The following NAV3 variants were observed in gnomAD, a reference collection of about 807,000 sequenced individuals.
The protein encoded by NAV3 is neuron navigator 3.
Under a neutral mutation model 244.7 loss-of-function variants are expected in NAV3, and 87 were observed. That is an observed-to-expected ratio of 0.36 (90% CI 0.30 to 0.42). The LOEUF is 0.42. NAV3 is among the 20% of genes least tolerant of loss of function. The probability of loss-of-function intolerance (pLI) is 1.00; values close to 1 mark genes in which losing one functional copy is unlikely to be tolerated. For missense variants in NAV3, 2,663 were observed against 2,893.3 expected (o/e 0.92, Z 1.83); for synonymous variants, 1,126 against 1,042.2 (o/e 1.08, Z -1.55).
intron 2 of NAV3, among the ~76,000 whole-genome samples, chr12:77,813,925 T>G (rs1308705975): frequency 6.6e-6 from 1 of 152,228 alleles, no homozygotes; most frequent in Non-Finnish European, 1.5e-5. Flanking sequence ...TAAACCTCTT[T>G]CTTGCTCTTC....
In NAV3 at chr12:78,121,953, A is replaced by G. The variant is rs2138678442; in HGVS notation, c.3763A>G (p.Lys1255Glu). 1 of 1,613,772 alleles carries G rather than the reference A, an allele frequency of 6.2e-7. No homozygotes were observed. The highest frequency in any genetic ancestry group is 1.7e-4 in the Middle Eastern group (1 of 6,058). Reference protein sequence around the residue: ...SPTFRRLFGAKAGGKSASAPN... With the variant: ...SPTFRRLFGAEAGGKSASAPN... Reference sequence around the variant, plus strand: ...TTTTTCTTTTAGGTTGTTTGGTGCCAAGGCAGGTGGCAAATCTGCCTCTGC... The same window carrying G: ...TTTTTCTTTTAGGTTGTTTGGTGCCGAGGCAGGTGGCAAATCTGCCTCTGC... The change falls in exon 16 of 40, where the codon AAG becomes GAG. Residue 1255 changes from lysine to glutamate, a missense_variant. Physicochemically the swap from Lys to Glu is moderately conservative, Grantham distance 56 (BLOSUM62 1). Transcript: ENST00000397909.
intron 2 of NAV3, among the ~76,000 whole-genome samples, chr12:77,574,907 A>G (rs1442069231): frequency 6.6e-6 from 1 of 151,948 alleles, no homozygotes. Flanking sequence ...GGTGCTTATC[A>G]TATGTCAGGA....
chr12:78,070,263 C>A (rs1467169475), intron 12 of NAV3, among the ~76,000 whole-genome samples: 2 of 152,020 alleles, frequency 1.3e-5, no homozygotes, highest in Non-Finnish European at 2.9e-5. Flanking sequence ...TAATTTAATT[C>A]CCATAACAAC....
At chr12:77,730,120 G>A (rs996812716) in intron 2 of NAV3, among the ~76,000 whole-genome samples, 1 of 151,946 alleles carries the variant, frequency 6.6e-6, no homozygotes, top group Non-Finnish European at 1.5e-5. Context: ...TACTTTTTAA[G>A]CCTCACTTTA....
At chr12:77,753,686 A>G (rs972236719) in intron 2 of NAV3, among the ~76,000 whole-genome samples, 10 of 152,194 alleles carry the variant, frequency 6.6e-5, no homozygotes, top group Non-Finnish European at 1.5e-4. Flanking sequence ...GCCCATCACT[A>G]TTGTTCCACA....
At chr12:77,941,406 G>A (rs777625705) in intron 3 of NAV3, among the ~76,000 whole-genome samples, 2 of 152,022 alleles carry the variant, frequency 1.3e-5, no homozygotes, top group East Asian at 3.9e-4. Flanking sequence ...TGGTCTTAAT[G>A]GTAGTAAATT....
chr12:77,612,293 C>T (rs532204899), intron 2 of NAV3, among the ~76,000 whole-genome samples: 1 of 152,234 alleles, frequency 6.6e-6, no homozygotes, highest in Admixed American at 6.6e-5. Context: ...ATTATGTGCA[C>T]TTGTAGATAA....
chr12:77,642,219 G>A (rs1872445631), intron 2 of NAV3, among the ~76,000 whole-genome samples: 2 of 152,042 alleles, frequency 1.3e-5, no homozygotes, highest in Admixed American at 6.6e-5. Flanking sequence ...AAAATCTCCA[G>A]GTTGGAAGCC....
chr12:78,059,661 T>A lies in NAV3; in HGVS notation c.2636+546T>A, dbSNP rs367643361. Among the ~76,000 whole-genome samples the A allele has an allele frequency of 4.5e-4, 69 of 152,252 alleles. No individual in the cohort carries two copies. The Middle Eastern group carries it at 0.01, about 23-fold the overall frequency. On this transcript the variant is annotated intron_variant, in intron 12 of 39. Coordinates refer to ENST00000397909, the MANE Select transcript of NAV3 (RefSeq NM_001024383.2). ...TTAGCTCTGTAATACCAAAAATAAA[T>A]GTATGGCTGGGGAGATTTTTTTTTA... is the stretch of plus-strand genomic sequence containing the variant.
chr12:77,755,831 T>G (rs959438077), intron 2 of NAV3, among the ~76,000 whole-genome samples: 14 of 151,716 alleles, frequency 9.2e-5, no homozygotes, highest in Non-Finnish European at 5.9e-5. Flanking sequence ...CCTGACAGGC[T>G]CAAGTGATCC....
At chr12:78,183,027 T>C (rs927742187) in intron 30 of NAV3, among the ~76,000 whole-genome samples, 2 of 151,934 alleles carry the variant, frequency 1.3e-5, no homozygotes, top group Non-Finnish European at 2.9e-5. Context: ...GTTCCTTGCA[T>C]CCAGTAAAGA....
At chr12:78,151,734 T>C (rs1593805226) in intron 22 of NAV3, among the ~76,000 whole-genome samples, 1 of 151,890 alleles carries the variant, frequency 6.6e-6, no homozygotes, top group African/African-American at 2.4e-5. Context: ...AATCTATTAA[T>C]GTAAATCAAT....
chr12:77,967,916 G>T (rs2137975201), intron 4 of NAV3, among the ~76,000 whole-genome samples: 1 of 152,074 alleles, frequency 6.6e-6, no homozygotes, highest in East Asian at 1.9e-4. Flanking sequence ...TCTGCTTTTG[G>T]AAGATATACC....
chr12:77,732,315 A>G (rs1877158876), intron 2 of NAV3, among the ~76,000 whole-genome samples: 1 of 151,944 alleles, frequency 6.6e-6, no homozygotes, highest in Non-Finnish European at 1.5e-5. Flanking sequence ...AGGGAGGTAG[A>G]CATTACTGAA....
intron 12 of NAV3, among the ~76,000 whole-genome samples, chr12:78,104,894 T>A (rs1469314630): frequency 6.6e-6 from 1 of 152,140 alleles, no homozygotes; most frequent in Non-Finnish European, 1.5e-5. Flanking sequence ...AATTAATCTA[T>A]GTCATTTCAT....
chr12:78,020,544 A>T (rs988909000), intron 8 of NAV3, among the ~76,000 whole-genome samples: 1 of 152,148 alleles, frequency 6.6e-6, no homozygotes. Context: ...TCTTTCTTTC[A>T]TATATTAATT....
intron 2 of NAV3, among the ~76,000 whole-genome samples, chr12:77,590,476 C>T (rs1173048898): frequency 6.6e-6 from 1 of 152,106 alleles, no homozygotes; most frequent in Non-Finnish European, 1.5e-5. Context: ...AACCCTTGAA[C>T]ACACAGAGGG....
intron 1 of NAV3, among the ~76,000 whole-genome samples, chr12:77,854,034 T>C (rs548975415): frequency 1.3e-5 from 2 of 152,200 alleles, no homozygotes; most frequent in African/African-American, 2.4e-5. Context: ...TACCAGTTGG[T>C]AGGAAAATGA....
chr12:78,131,564 A>G (rs1956167083), intron 18 of NAV3, among the ~76,000 whole-genome samples: 1 of 152,254 alleles, frequency 6.6e-6, no homozygotes, highest in Admixed American at 6.5e-5. Flanking sequence ...CATGTCTCCT[A>G]TCAATTCTTT....
Sources: gnomAD v4.1 joint callset for allele counts (sites outside exome capture counted in the v4.1 genomes callset) on GRCh38, gnomAD v4.1.1 for gene constraint, MANE v1.5 for transcripts, NCBI Gene and HGNC (gene_info 2026-07-23, HGNC 2026-07-21) for gene names.